Variants in IRAG1 observed in about 807,000 individuals in gnomAD.
IRAG1 encodes the protein IP3R-associated cGMP kinase substrate.
IRAG1 carries 62 observed loss-of-function variants against 106.2 expected under a neutral mutation model. The observed-to-expected ratio is 0.58, with a 90% confidence interval of 0.48 to 0.72. IRAG1 has a LOEUF of 0.72. IRAG1 is among the 30% of genes least tolerant of loss of function. The probability of loss-of-function intolerance (pLI) is 0.00; values close to 1 mark genes in which losing one functional copy is unlikely to be tolerated. For missense variants in IRAG1, 1,064 were observed against 1,140.7 expected, an observed-to-expected ratio of 0.93 and a Z score of 0.97; for synonymous variants, 462 against 443.9, an observed-to-expected ratio of 1.04 and a Z score of -0.51.
In IRAG1 at chr11:10,693,754, G is replaced by T; in HGVS notation, c.-152C>A. Reference sequence around the variant, plus strand: ...CTCCGGCCTGGCTCGGGGGATAATGGCAGGGAAAGCCGACCAGCTGGCCTC... The same window carrying T: ...CTCCGGCCTGGCTCGGGGGATAATGTCAGGGAAAGCCGACCAGCTGGCCTC... On this transcript the variant is annotated 5_prime_UTR_variant, in exon 1 of 21. Transcript: ENST00000423302. 29 of 880,552 alleles carry T rather than the reference G, an allele frequency of 3.3e-5. No homozygotes were observed. The South Asian group carries it at 4.8e-4, about 15-fold the overall frequency. 54.5% of individuals were successfully genotyped at this position (880,552 alleles called of 1,614,324 possible).
At chr11:10,636,589 C>A (rs758646993) in intron 2 of IRAG1, among the ~76,000 whole-genome samples, 9 of 152,182 alleles carry the variant, frequency 5.9e-5, no homozygotes, top group Admixed American at 2.0e-4. Flanking sequence ...TGGTTATCCA[C>A]CATGTGCCAA....
intron 18 of IRAG1, among the ~76,000 whole-genome samples, chr11:10,584,677 T>C (rs1467818072): frequency 2.7e-5 from 4 of 150,508 alleles, no homozygotes; most frequent in African/African-American, 9.8e-5. Flanking sequence ...AGGAGGACAG[T>C]GTAGTATAAA....
At chr11:10,654,031 G>A (rs1858731747) in intron 1 of IRAG1, among the ~76,000 whole-genome samples, 1 of 152,190 alleles carries the variant, frequency 6.6e-6, no homozygotes, top group African/African-American at 2.4e-5. Flanking sequence ...GAAGGACACT[G>A]TCATTTACTG....
chr11:10,585,314 T>A (rs1041825034), intron 18 of IRAG1, among the ~76,000 whole-genome samples: 1 of 152,074 alleles, frequency 6.6e-6, no homozygotes, highest in Non-Finnish European at 1.5e-5. Flanking sequence ...GGCTCTCATA[T>A]ACATTCTCTC....
chr11:10,612,667 A>T (rs567220589), intron 10 of IRAG1, among the ~76,000 whole-genome samples: 12 of 152,140 alleles, frequency 7.9e-5, no homozygotes, highest in Admixed American at 6.6e-4. Flanking sequence ...AGGAAGGTAG[A>T]AAGGAAGGAA....
intron 2 of IRAG1, among the ~76,000 whole-genome samples, chr11:10,648,527 T>C (rs1039927851): frequency 6.6e-6 from 1 of 152,188 alleles, no homozygotes; most frequent in African/African-American, 2.4e-5. Flanking sequence ...GGAGCTTAGA[T>C]GTGACCTGGG....
intron 13 of IRAG1, among the ~76,000 whole-genome samples, chr11:10,603,529 G>A (rs902873706): frequency 7.2e-5 from 11 of 152,124 alleles, no homozygotes; most frequent in African/African-American, 2.4e-4. Context: ...GCGGAGCTCA[G>A]GAGGTCATGC....
chr11:10,681,946 C>T (rs1365674502), intron 1 of IRAG1, among the ~76,000 whole-genome samples: 3 of 152,134 alleles, frequency 2.0e-5, no homozygotes, highest in Non-Finnish European at 2.9e-5. Context: ...TACTCTCTCC[C>T]GGCCTGAAAA....
chr11:10,642,854 C>T (rs1857619046), intron 2 of IRAG1, among the ~76,000 whole-genome samples: 1 of 152,086 alleles, frequency 6.6e-6, no homozygotes. Flanking sequence ...GCAGCCAGTG[C>T]TCTTACAACA....
At chr11:10,588,697 C>T (rs1852306906) in intron 18 of IRAG1, among the ~76,000 whole-genome samples, 1 of 152,142 alleles carries the variant, frequency 6.6e-6, no homozygotes, top group African/African-American at 2.4e-5. Context: ...TCCCCAGTTC[C>T]CCCAACCTTA....
At chr11:10,595,150 C>T (rs982109563) in intron 15 of IRAG1, among the ~76,000 whole-genome samples, 1 of 146,632 alleles carries the variant, frequency 6.8e-6, no homozygotes, top group Non-Finnish European at 1.6e-5. Context: ...GTCTCCAACT[C>T]CTGAGCTTAA....
chr11:10,642,581 G>A (rs1564924259), intron 2 of IRAG1, among the ~76,000 whole-genome samples: 1 of 152,240 alleles, frequency 6.6e-6, no homozygotes, highest in Non-Finnish European at 1.5e-5. Flanking sequence ...AGTCGGGTAG[G>A]CCTAGACCAG....
intron 2 of IRAG1, among the ~76,000 whole-genome samples, chr11:10,643,198 A>AAAAAAAG (rs1564924754): frequency 1.3e-5 from 2 of 150,840 alleles, no homozygotes; most frequent in Non-Finnish European, 3.0e-5. Context: ...AAAAAAAAAA[A>AAAAAAAG]AGGACTCTCT....
At chr11:10,673,132 A>G (rs1251147755) in intron 1 of IRAG1, among the ~76,000 whole-genome samples, 1 of 152,028 alleles carries the variant, frequency 6.6e-6, no homozygotes, top group Non-Finnish European at 1.5e-5. Flanking sequence ...AAAATACAAA[A>G]ATTAGCTGGG....
At chr11:10,662,496 A>G (rs1480612806) in intron 1 of IRAG1, among the ~76,000 whole-genome samples, 1 of 152,236 alleles carries the variant, frequency 6.6e-6, no homozygotes, top group African/African-American at 2.4e-5. Flanking sequence ...GCCATCCAGG[A>G]GTAATTTGCA....
At chr11:10,594,036 C>G (rs1384751465) in intron 16 of IRAG1, 110 bp downstream of exon 16, 1 of 1,050,638 alleles carries the variant, frequency 9.5e-7, no homozygotes, top group African/African-American at 1.6e-5. Context: ...AAACTCTGTT[C>G]AGAGATTCTC....
rs750875166 is a variant in IRAG1 at position 10,626,359 on chromosome 11, G to A, written c.975C>T (p.Pro325=). 18 of 1,613,636 alleles carry A rather than the reference G, an allele frequency of 1.1e-5. No homozygotes were observed. Among genetic ancestry groups the A allele is most frequent in the Middle Eastern group, 3.3e-4 (2 of 6,084 alleles). The stretch of plus-strand genomic sequence containing the variant: ...GCTGCTTCCCCAGCTCGCTCTCCAC[G>A]GGGCCAGGCTGAGGGCTGTTCAGGG... ...KMALNSPQPG[P]VESELGKQLL... Residue 325 remains proline (P), a synonymous_variant, in exon 9 of 21, where the codon CCC becomes CCT. Transcript: ENST00000423302.
chr11:10,603,118 A>G lies in IRAG1; in HGVS notation c.1875+2T>C. The G allele has an allele frequency of 6.2e-7, 1 of 1,608,666 alleles. No homozygotes were observed. The highest frequency in any genetic ancestry group is 1.7e-5 in the Admixed American group (1 of 59,414). ...GCAAGACCGGGGGCTGGAGAGACTC[A>G]CCTGGCGGACGGCGCCTACCACCTC... On this transcript the variant is annotated splice_donor_variant, in intron 14 of 20. Transcript: ENST00000423302. LOFTEE classifies it high-confidence loss of function.
chr11:10,645,467 G>A (rs1857869121), intron 2 of IRAG1, among the ~76,000 whole-genome samples: 1 of 152,186 alleles, frequency 6.6e-6, no homozygotes, highest in Admixed American at 6.5e-5. Flanking sequence ...GCGTTCTGAA[G>A]GTTAAATGCT....
Sources: gnomAD v4.1 joint callset for allele counts (sites outside exome capture counted in the v4.1 genomes callset) on GRCh38, gnomAD v4.1.1 for gene constraint, MANE v1.5 for transcripts, NCBI Gene and HGNC (gene_info 2026-07-23, HGNC 2026-07-21) for gene names.